ZMYM4: variants seen among roughly 807,000 people sequenced by gnomAD.
The protein encoded by ZMYM4 is zinc finger MYM-type protein 4.
Under a neutral mutation model 183.2 loss-of-function variants are expected in ZMYM4, and 31 were observed. The observed-to-expected ratio is 0.17, with a 90% CI of 0.13 to 0.23. The LOEUF is 0.23. ZMYM4 is among the 10% of genes least tolerant of loss of function. The pLI is 1.00. For synonymous variants in ZMYM4, 592 were observed against 631.2 expected, an observed-to-expected ratio of 0.94 and a Z score of 0.93; for missense variants, 1,273 against 1,840.3, an observed-to-expected ratio of 0.69 and a Z score of 5.64.
intron 28 of ZMYM4, among the ~76,000 whole-genome samples, 186 bp from the exon 29 acceptor site, chr1:35,418,257 A>G (rs1307194894): frequency 6.6e-6 from 1 of 152,208 alleles, no homozygotes; most frequent in African/African-American, 2.4e-5. Context: ...TTAATGCCAT[A>G]GAATCCAGCA....
chr1:35,383,014 G>A (rs1348035112), intron 9 of ZMYM4, among the ~76,000 whole-genome samples: 1 of 152,134 alleles, frequency 6.6e-6, no homozygotes, highest in Admixed American at 6.5e-5. Context: ...ATCATTAATT[G>A]TTACAGTAAG....
chr1:35,285,752 G>C (rs946151147), intron 1 of ZMYM4, among the ~76,000 whole-genome samples: 1 of 152,066 alleles, frequency 6.6e-6, no homozygotes, highest in African/African-American at 2.4e-5. Flanking sequence ...TGGTATCTTT[G>C]GGGGGTCCAG....
intron 1 of ZMYM4, among the ~76,000 whole-genome samples, chr1:35,296,295 C>T (rs1031675374): frequency 2.0e-5 from 3 of 152,174 alleles, no homozygotes; most frequent in African/African-American, 7.2e-5. Context: ...CTGTCTCAGT[C>T]TTATTAAATA....
chr1:35,348,482 C>T (rs968024201), intron 2 of ZMYM4, among the ~76,000 whole-genome samples: 2 of 152,224 alleles, frequency 1.3e-5, no homozygotes, highest in African/African-American at 2.4e-5. Context: ...GTGCCCATCC[C>T]TGCAACTTGA....
At chr1:35,400,697 T>C (rs1216979116) in intron 23 of ZMYM4, among the ~76,000 whole-genome samples, 2 of 152,248 alleles carry the variant, frequency 1.3e-5, no homozygotes, top group Non-Finnish European at 2.9e-5. Context: ...GTATATGTTA[T>C]GTAATTCCCA....
At chr1:35,274,909 C>G (rs1420570227) in intron 1 of ZMYM4, among the ~76,000 whole-genome samples, 1 of 151,928 alleles carries the variant, frequency 6.6e-6, no homozygotes, top group Non-Finnish European at 1.5e-5. Flanking sequence ...TGGTCCTGTT[C>G]GATCATATAG....
chr1:35,273,035 T>C (rs984786668), intron 1 of ZMYM4, among the ~76,000 whole-genome samples: 2 of 152,174 alleles, frequency 1.3e-5, no homozygotes, highest in African/African-American at 4.8e-5. Flanking sequence ...TTTAAGACCA[T>C]TGGGTTAACA....
At chr1:35,385,707 A>G in intron 10 of ZMYM4, 115 bp downstream of exon 10, 2 of 1,237,568 alleles carry the variant, frequency 1.6e-6, no homozygotes, top group Non-Finnish European at 2.1e-6. Context: ...TATTTCAGAT[A>G]TTTGTTGTAA....
chr1:35,381,400 A>G lies in ZMYM4; in HGVS notation c.1323A>G (p.Ser441=). The change falls in exon 8 of 30, where the codon TCA becomes TCG. Residue 441 remains serine (S), a synonymous_variant. Transcript: ENST00000314607. The part of the protein sequence containing the change: ...PIVTINTNSI[S]TKCSMCQKNA... The stretch of plus-strand genomic sequence containing the variant: ...TTACCATAAATACAAATAGTATTTC[A>G]ACCAAATGCAGCATGTGTCAGAAGA... 3 of 1,609,986 alleles carry G rather than the reference A, an allele frequency of 1.9e-6. No individual in the cohort carries two copies. Among genetic ancestry groups the G allele is most frequent in the Non-Finnish European group, 2.5e-6 (3 of 1,177,366 alleles).
At chr1:35,394,327 T>A (rs1380731938) in intron 18 of ZMYM4, among the ~76,000 whole-genome samples, 1 of 151,530 alleles carries the variant, frequency 6.6e-6, no homozygotes, top group Non-Finnish European at 1.5e-5. Context: ...GGGGTGAGGG[T>A]GATCAGGATC....
intron 1 of ZMYM4, among the ~76,000 whole-genome samples, chr1:35,289,836 T>C (rs1175513721): frequency 6.6e-6 from 1 of 152,202 alleles, no homozygotes; most frequent in Non-Finnish European, 1.5e-5. Context: ...ACTTTTACCA[T>C]ATATCCTAAA....
intron 11 of ZMYM4, 92 bp downstream of exon 11, chr1:35,386,281 T>C: frequency 2.4e-6 from 2 of 841,742 alleles, no homozygotes; most frequent in Non-Finnish European, 3.7e-6. Flanking sequence ...TACCCTAGAC[T>C]GGGTAATTTA....
Position 35,405,415 on chromosome 1 carries a change from G to A in ZMYM4, c.3743G>A (p.Gly1248Glu). 6.2e-7 allele frequency: 1 copy of A among 1,613,682 alleles called. No individual in the cohort carries two copies. Among genetic ancestry groups the A allele is most frequent in the Non-Finnish European group, 8.5e-7 (1 of 1,179,876 alleles). The change falls in exon 25 of 30, where the codon GGA becomes GAA. Residue 1248 changes from glycine (G) to glutamate (E), a missense_variant. Physicochemically the swap from Gly to Glu is moderately conservative, Grantham distance 98 (BLOSUM62 -2). Transcript: ENST00000314607. ...ASSSPRSDPL[G>E]STQDHALSQE... The stretch of plus-strand genomic sequence containing the variant: ...TCTAGCCCACGTTCTGACCCCTTAG[G>A]AAGTACTCAAGACCATGCACTCTCT...
Position 35,381,736 on chromosome 1 carries a change from C to T in ZMYM4, c.1547C>T (p.Ser516Leu), listed in dbSNP as rs767700771. ...CAGTCTAAGAAGTTTTGTAGTTCAT[C>T]GTGTATCACGGCATACAAGCAGGTA... ...EGQSKKFCSS[S>L]CITAYKQKSA... Residue 516 changes from serine to leucine, a missense_variant, in exon 9 of 30, where the codon TCG becomes TTG. Transcript: ENST00000314607. The T allele has an allele frequency of 2.3e-5, 37 of 1,614,006 alleles. No individual in the cohort carries two copies. The highest frequency in any genetic ancestry group is 4.5e-5 in the East Asian group (2 of 44,894).
At position 35,380,318 on chromosome 1, in the gene ZMYM4, A is replaced by T. The variant is rs912817239; in HGVS notation, c.1182-941A>T. On this transcript the variant is annotated intron_variant, in intron 7 of 29. Transcript: ENST00000314607. ...TTTTTATTATTTATTTATTTATTTTATTTATTTATTTATTTATTTATTTTT... is the reference window on the plus strand; with the variant it reads ...TTTTTATTATTTATTTATTTATTTTTTTTATTTATTTATTTATTTATTTTT... Among the ~76,000 whole-genome samples, 167 of 150,556 alleles carry T rather than the reference A, an allele frequency of 1.1e-3. 2 individuals carry two copies. Among genetic ancestry groups the T allele is most frequent in the Non-Finnish European group, 1.7e-3 (118 of 67,698 alleles).
chr1:35,363,959 C>T (rs1022684326), intron 5 of ZMYM4, among the ~76,000 whole-genome samples: 2 of 151,842 alleles, frequency 1.3e-5, no homozygotes, highest in South Asian at 4.2e-4. Context: ...TTCCTTGGGA[C>T]AAAAAGGCAC....
intron 25 of ZMYM4, among the ~76,000 whole-genome samples, chr1:35,406,548 C>G (rs776188623): frequency 6.6e-6 from 1 of 152,052 alleles, no homozygotes; most frequent in South Asian, 2.1e-4. Context: ...AACAAAAAGC[C>G]GGGGAAGGGT....
At chr1:35,346,297 C>T (rs919996732) in intron 2 of ZMYM4, among the ~76,000 whole-genome samples, 2 of 152,110 alleles carry the variant, frequency 1.3e-5, no homozygotes, top group African/African-American at 4.8e-5. Context: ...GTTTTATGAT[C>T]AATATTTTAA....
chr1:35,320,363 G>T (rs1006489390), intron 1 of ZMYM4, among the ~76,000 whole-genome samples: 1 of 152,194 alleles, frequency 6.6e-6, no homozygotes, highest in African/African-American at 2.4e-5. Flanking sequence ...CCACACAGAG[G>T]TGCTGGAAAG....
Sources: allele counts gnomAD v4.1 joint callset (sites outside exome capture counted in the v4.1 genomes callset), GRCh38; gene constraint gnomAD v4.1.1; transcripts MANE v1.5; gene names NCBI Gene and HGNC (gene_info 2026-07-23, HGNC 2026-07-21).